PCF11: variants seen among roughly 807,000 people sequenced by gnomAD.
The protein encoded by PCF11 is pre-mRNA cleavage complex 2 protein Pcf11.
In PCF11, 19 loss-of-function variants were observed where a neutral mutation model predicts 166.1. That is an observed-to-expected ratio of 0.11 (90% CI 0.08 to 0.17). PCF11 has a LOEUF of 0.17. PCF11 is among the 10% of genes least tolerant of loss of function. The pLI, the probability that PCF11 is intolerant of heterozygous loss-of-function variation, is 1.00. For synonymous variants in PCF11, 663 were observed against 644.1 expected (o/e 1.03, Z -0.44); for missense variants, 1,565 against 1,855.5 (o/e 0.84, Z 2.88).
intron 1 of PCF11, among the ~76,000 whole-genome samples, chr11:83,160,393 A>G (rs1297840988): frequency 4.7e-5 from 6 of 128,816 alleles, no homozygotes; most frequent in Admixed American, 1.0e-4. Flanking sequence ...AGTCAGAGTT[A>G]AAACTATTAT....
intron 1 of PCF11, chr11:83,158,474 G>A (rs1860090677): frequency 6.6e-6 from 1 of 152,158 alleles, no homozygotes; most frequent in African/African-American, 2.4e-5. Context: ...TGATAGCGAA[G>A]GAGTGTTTTT....
intron 1 of PCF11, chr11:83,158,518 C>CT (rs1366843480): frequency 3.9e-5 from 6 of 152,158 alleles, no homozygotes; most frequent in Admixed American, 1.3e-4. Flanking sequence ...CCTCTGCCAC[C>CT]TTATATTTCC....
exon 16 of PCF11, chr11:83,186,433 C>T (rs1452282989): frequency 6.6e-6 from 1 of 152,244 alleles, no homozygotes; most frequent in Non-Finnish European, 1.5e-5. Flanking sequence ...AATGGAGTCT[C>T]ACTACGTAGT....
exon 8 of PCF11, chr11:83,169,704 G>A (rs1590929333): frequency 1.2e-6 from 2 of 1,613,830 alleles, no homozygotes; most frequent in African/African-American, 2.7e-5. Context: ...CTTCACAAAG[G>A]CTTGAATCAG....
intron 10 of PCF11, among the ~76,000 whole-genome samples, 160 bp downstream of exon 10, chr11:83,177,364 T>A (rs1308260230): frequency 6.6e-6 from 1 of 152,250 alleles, no homozygotes; most frequent in Non-Finnish European, 1.5e-5. Context: ...GAAATTCTTT[T>A]AGATTTCCTA....
chr11:83,163,533 T>A (rs1860338150), intron 2 of PCF11, 146 bp from the exon 3 acceptor site: 1 of 358,600 alleles, frequency 2.8e-6, no homozygotes, highest in Admixed American at 4.6e-5. Flanking sequence ...GAAATGCACC[T>A]TTAATAAATT....
chr11:83,183,373 T>C (rs1003530990), intron 15 of PCF11, among the ~76,000 whole-genome samples: 8 of 152,174 alleles, frequency 5.3e-5, no homozygotes, highest in African/African-American at 1.7e-4. Context: ...CCCAAAGAAA[T>C]GTGAGGAAAA....
At chr11:83,178,763 A>G (rs1282350160) in intron 11 of PCF11, among the ~76,000 whole-genome samples, 2 of 151,838 alleles carry the variant, frequency 1.3e-5, no homozygotes, top group Non-Finnish European at 2.9e-5. Context: ...CAGTGAGCCG[A>G]GATAACGCCA....
chr11:83,157,743 A>T, intron 1 of PCF11, 112 bp downstream of exon 1: 1 of 845,234 alleles, frequency 1.2e-6, no homozygotes, highest in East Asian at 2.7e-5. Flanking sequence ...CTTCTCTCCA[A>T]CCCCCCCACC....
At position 83,182,391 on chromosome 11, in the gene PCF11, T is replaced by C. The variant is rs765060759; in HGVS notation, c.4324-8T>C. On this transcript the variant is annotated splice_polypyrimidine_tract_variant and splice_region_variant and intron_variant, in intron 13 of 15. Transcript: ENST00000298281. Reference sequence around the variant, plus strand: ...ATGTAAATTTCATTTTATATGATTCTATTTTAGAGTTGTGAAATCTGTCAA... The same window carrying C: ...ATGTAAATTTCATTTTATATGATTCCATTTTAGAGTTGTGAAATCTGTCAA... 7.2e-7 allele frequency: 1 copy of C among 1,386,400 alleles called. No homozygotes were observed. The highest frequency in any genetic ancestry group is 1.0e-6 in the Non-Finnish European group (1 of 980,856). 85.9% of individuals were successfully genotyped at this position (1,386,400 alleles called of 1,614,324 possible). A position where few individuals can be genotyped will look rare whatever the true frequency, so the allele number is the denominator to read the frequency against.
intron 13 of PCF11, 60 bp downstream of exon 13, chr11:83,182,069 A>C: frequency 7.5e-7 from 1 of 1,330,222 alleles, no homozygotes; most frequent in Non-Finnish European, 1.0e-6. Context: ...CCTTTATGTA[A>C]ATACTCATAA....
chr11:83,166,792 T>TAA lies in PCF11; in HGVS notation c.1817+78_1817+79insAA. The stretch of plus-strand genomic sequence containing the variant: ...TAGTGTTAATTTAAAAATTGGAAAA[T>TAA]GTTTATTAGGTGCTATTAGTACTTT... On this transcript the variant is annotated intron_variant, in intron 5 of 15. Coordinates refer to ENST00000298281, the Ensembl canonical transcript of PCF11. The TAA allele has an allele frequency of 2.3e-6, 3 of 1,282,366 alleles. No homozygotes were observed. In the East Asian group the frequency reaches 7.0e-5, roughly 30 times the overall value. The allele number at this position is 1,282,366 out of a possible 1,614,324, so 79.4% of individuals were successfully genotyped here.
exon 16 of PCF11, chr11:83,184,941 G>C: frequency 7.6e-7 from 1 of 1,317,924 alleles, no homozygotes; most frequent in Non-Finnish European, 1.0e-6. Flanking sequence ...AGCTGCTGTT[G>C]GATCTAGAAG....
intron 1 of PCF11, 118 bp from the exon 2 acceptor site, chr11:83,161,209 C>T: frequency 1.3e-6 from 1 of 740,946 alleles, no homozygotes; most frequent in East Asian, 3.0e-5. Context: ...AAGATTACTT[C>T]AAAAATATTT....
At chr11:83,182,534 T>C in intron 14 of PCF11, 43 bp downstream of exon 14, 1 of 978,594 alleles carries the variant, frequency 1.0e-6, no homozygotes, top group Non-Finnish European at 1.6e-6. Flanking sequence ...GATTAGTGTT[T>C]TTTTGTTGGG....
chr11:83,163,036 G>T (rs1860316166), intron 2 of PCF11, among the ~76,000 whole-genome samples: 1 of 152,194 alleles, frequency 6.6e-6, no homozygotes, highest in Admixed American at 6.5e-5. Context: ...CTCTCAAAGT[G>T]TTGGAATTAC....
Position 83,167,689 on chromosome 11 carries a change from C to T in PCF11, c.2092+184C>T. The T allele has an allele frequency of 6.6e-7, 1 of 1,514,942 alleles. No individual in the cohort carries two copies. The highest frequency in any genetic ancestry group is 8.8e-7 in the Non-Finnish European group (1 of 1,134,112). 93.8% of individuals were successfully genotyped at this position (1,514,942 alleles called of 1,614,324 possible). A position where few individuals can be genotyped will look rare whatever the true frequency, so the allele number is the denominator to read the frequency against. ...TTAGATCCTGATATTTTTGACTACC[C>T]TTTGACTGATGCCTTGTTGTCTGGA... On this transcript the variant is annotated intron_variant, in intron 7 of 15. Coordinates refer to ENST00000298281, the Ensembl canonical transcript of PCF11. This position sits in a 1 kb window ranked among gnomAD's most constrained non-coding sequence, Gnocchi z 4.2.
chr11:83,159,971 T>G (rs1287200285), intron 1 of PCF11, among the ~76,000 whole-genome samples: 1 of 152,220 alleles, frequency 6.6e-6, no homozygotes, highest in Non-Finnish European at 1.5e-5. Flanking sequence ...TAAAATGGTG[T>G]AAAACATGAC....
intron 11 of PCF11, among the ~76,000 whole-genome samples, chr11:83,179,806 A>G (rs183281679): frequency 9.8e-4 from 148 of 151,594 alleles, no homozygotes; most frequent in African/African-American, 3.5e-3. Flanking sequence ...AATCCCAGCT[A>G]CTCGGGAGGC....
Sources: gnomAD v4.1 joint callset for allele counts (sites outside exome capture counted in the v4.1 genomes callset) on GRCh38, gnomAD v4.1.1 for gene constraint, Gnocchi (gnomAD v3.1) non-coding constraint, MANE v1.5 for transcripts, NCBI Gene and HGNC (gene_info 2026-07-23, HGNC 2026-07-21) for gene names.